Variants in TLK2 observed in about 807,000 individuals in gnomAD.
TLK2 encodes tousled like kinase 2.
TLK2 carries 6 observed loss-of-function variants against 117.3 expected under a neutral mutation model. The ratio of observed to expected loss-of-function variants is 0.05; its 90% confidence interval spans 0.03 to 0.10. The LOEUF is 0.10. TLK2 is among the 10% of genes least tolerant of loss of function. The pLI is 1.00. For synonymous variants in TLK2, 257 were observed against 316.7 expected, an observed-to-expected ratio of 0.81 and a Z score of 2.00; for missense variants, 299 against 901.2, an observed-to-expected ratio of 0.33 and a Z score of 8.56.
chr17:62,582,503 A>G (rs780902491), intron 15 of TLK2, among the ~76,000 whole-genome samples: 56 of 152,158 alleles, frequency 3.7e-4, no homozygotes, highest in Admixed American at 5.2e-4. Flanking sequence ...CTAAGAATCA[A>G]CTTTTTTGTT....
intron 13 of TLK2, 146 bp downstream of exon 13, chr17:62,576,921 G>T: frequency 1.9e-6 from 1 of 530,572 alleles, no homozygotes. Context: ...GTCATGTCTT[G>T]TAGCCTAATG....
At chr17:62,532,308 C>T (rs566037979) in intron 6 of TLK2, among the ~76,000 whole-genome samples, 45 of 152,186 alleles carry the variant, frequency 3.0e-4, no homozygotes, top group Non-Finnish European at 6.2e-4. Context: ...GTTTTTAAAT[C>T]TTTCAATCCT....
chr17:62,473,562 A>C (rs2070981783), intron 1 of TLK2, among the ~76,000 whole-genome samples: 1 of 152,204 alleles, frequency 6.6e-6, no homozygotes, highest in African/African-American at 2.4e-5. Flanking sequence ...TTAGACATAC[A>C]AATATCAGCC....
At position 62,481,216 on chromosome 17, in the gene TLK2, A is replaced by G; in HGVS notation, c.81+10A>G. ...AGTAGGTGTTAGTAAGGTGAGTAAA[A>G]TGATGATCATGAACACTATTCATAT... is the stretch of plus-strand genomic sequence containing the variant. On this transcript the variant is annotated intron_variant, in intron 2 of 21. Coordinates refer to ENST00000346027, the MANE Select transcript of TLK2 (RefSeq NM_006852.6). 1 of 1,613,742 alleles carries G rather than the reference A, an allele frequency of 6.2e-7. No homozygotes were observed. The highest frequency in any genetic ancestry group is 8.5e-7 in the Non-Finnish European group (1 of 1,179,676).
At chr17:62,595,402 A>G (rs2082400577) in intron 16 of TLK2, among the ~76,000 whole-genome samples, 1 of 150,710 alleles carries the variant, frequency 6.6e-6, no homozygotes, top group Admixed American at 6.7e-5. Context: ...ATCAAGTGTT[A>G]TATACTGTAG....
chr17:62,532,423 T>C (rs1363097881), intron 6 of TLK2, among the ~76,000 whole-genome samples: 2 of 152,226 alleles, frequency 1.3e-5, no homozygotes, highest in Non-Finnish European at 2.9e-5. Context: ...ACAGGTGTTC[T>C]GGAGCCTGGG....
In TLK2 at chr17:62,573,349, A is replaced by G; in HGVS notation, c.1103A>G (p.Asn368Ser). Residue 368 changes from asparagine to serine, a missense_variant, in exon 12 of 22, where the codon AAT (asparagine) becomes AGT (serine). Physicochemically the swap from Asn to Ser is conservative, Grantham distance 46 (BLOSUM62 1). This residue lies in a region of TLK2 where 94 missense variants were observed against 282.6 expected (regional missense o/e 0.33). Transcript: ENST00000346027. ...CAGAAACAGCGGAAAAGCAAGACCA[A>G]TGGAGCTGAAAATGAAACGTATGTT... ...NEQKQRKSKT[N>S]GAENETLTLA... 6 of 1,614,104 alleles carry G rather than the reference A, an allele frequency of 3.7e-6. No homozygotes were observed. The highest frequency in any genetic ancestry group is 1.6e-4 in the Middle Eastern group (1 of 6,062).
At chr17:62,546,461 T>G (rs2077948784) in intron 7 of TLK2, among the ~76,000 whole-genome samples, 1 of 147,670 alleles carries the variant, frequency 6.8e-6, no homozygotes, top group Admixed American at 6.8e-5. Flanking sequence ...CATTAGATAG[T>G]TTCAGGGTCT....
At chr17:62,543,909 A>C (rs2077720064) in intron 7 of TLK2, among the ~76,000 whole-genome samples, 1 of 152,148 alleles carries the variant, frequency 6.6e-6, no homozygotes, top group Non-Finnish European at 1.5e-5. Context: ...CACCTAACCT[A>C]AAGTCAAGAA....
intron 2 of TLK2, among the ~76,000 whole-genome samples, chr17:62,503,161 G>A (rs375561458): frequency 7.0e-6 from 1 of 142,694 alleles, no homozygotes; most frequent in African/African-American, 2.6e-5. Context: ...CCAGGTTCAC[G>A]CCATTCTCCT....
chr17:62,506,788 TAAAGAG>T (rs2074728732), intron 2 of TLK2, among the ~76,000 whole-genome samples: 1 of 152,214 alleles, frequency 6.6e-6, no homozygotes, highest in Admixed American at 6.5e-5. Flanking sequence ...CTTTTTAGCA[TAAAGAG>T]AAAGCTAAAA....
intron 14 of TLK2, among the ~76,000 whole-genome samples, chr17:62,578,908 G>A (rs1567960299): frequency 6.6e-6 from 1 of 152,160 alleles, no homozygotes; most frequent in African/African-American, 2.4e-5. Context: ...CCTTAAGAAA[G>A]GGAAGATGGG....
chr17:62,473,557 CATACAAATA>C (rs1349335136), intron 1 of TLK2, among the ~76,000 whole-genome samples: 2 of 152,172 alleles, frequency 1.3e-5, no homozygotes, highest in African/African-American at 2.4e-5. Flanking sequence ...AGTTGTTAGA[CATACAAATA>C]TCAGCCCCAC....
intron 7 of TLK2, among the ~76,000 whole-genome samples, chr17:62,543,708 A>G (rs2077704649): frequency 6.6e-6 from 1 of 152,162 alleles, no homozygotes; most frequent in South Asian, 2.1e-4. Flanking sequence ...AGTTCTAAGC[A>G]TTCTTTATAT....
At chr17:62,595,560 CTT>C (rs567198832) in intron 16 of TLK2, among the ~76,000 whole-genome samples, 4 of 139,400 alleles carry the variant, frequency 2.9e-5, no homozygotes, top group Non-Finnish European at 3.1e-5. Flanking sequence ...CTCTGTTGTA[CTT>C]TTTTTTTTTT....
chr17:62,509,551 G>T (rs2074983383), intron 2 of TLK2, among the ~76,000 whole-genome samples: 1 of 152,236 alleles, frequency 6.6e-6, no homozygotes, highest in Admixed American at 6.5e-5. Context: ...TTATTCCTTT[G>T]TTTTGTTTCA....
chr17:62,497,232 C>G (rs1364855964), intron 2 of TLK2, among the ~76,000 whole-genome samples: 1 of 151,956 alleles, frequency 6.6e-6, no homozygotes, highest in South Asian at 2.1e-4. Flanking sequence ...TATGCACTTC[C>G]ACACTTCAGC....
Position 62,538,575 on chromosome 17 carries a change from T to C in TLK2, c.531+2238T>C, listed in dbSNP as rs1310054122. Among the ~76,000 whole-genome samples the C allele has an allele frequency of 3.3e-5, 5 of 152,210 alleles. No individual in the cohort carries two copies. In the East Asian group the frequency reaches 9.6e-4, roughly 29 times the overall value. On this transcript the variant is annotated intron_variant, in intron 7 of 21. Coordinates refer to ENST00000346027, the MANE Select transcript of TLK2 (RefSeq NM_006852.6). ...TTTCCATCTTCTGTAAAAAGTATGG[T>C]ATGTAGGCTTGTGGTGGATGCACGT...
intron 16 of TLK2, among the ~76,000 whole-genome samples, chr17:62,591,729 A>C (rs1450991078): frequency 6.6e-6 from 1 of 152,038 alleles, no homozygotes; most frequent in Non-Finnish European, 1.5e-5. Flanking sequence ...CCCTTTCCCC[A>C]CTTCCCCTAA....
Sources: gnomAD v4.1 joint callset for allele counts (sites outside exome capture counted in the v4.1 genomes callset) on GRCh38, gnomAD v4.1.1 for gene constraint, gnomAD v4.1.1 regional missense constraint, MANE v1.5 for transcripts, NCBI Gene and HGNC (gene_info 2026-07-23, HGNC 2026-07-21) for gene names.